The following LAMA5 variants were observed in gnomAD, a reference collection of about 807,000 sequenced individuals.
LAMA5 encodes laminin subunit alpha-5.
A neutral mutation model predicts 433.4 loss-of-function variants in LAMA5; 260 were observed. That is an observed-to-expected ratio of 0.60 (90% CI 0.54 to 0.66). The LOEUF (loss-of-function observed/expected upper bound fraction) is 0.66. LAMA5 is among the 30% of genes least tolerant of loss of function. LAMA5 has a pLI of 0.00. For synonymous variants in LAMA5, 2,620 were observed against 2,226.6 expected (o/e 1.18, Z -4.97); for missense variants, 5,378 against 5,258.5 (o/e 1.02, Z -0.70).
chr20:62,345,401 G>A (rs373354937), intron 11 of LAMA5: 5 of 244,102 alleles, frequency 2.0e-5, no homozygotes, highest in Admixed American at 1.6e-4. Flanking sequence ...ATGTATACAT[G>A]TGCCATGCCC....
rs1328238364 is a variant in LAMA5, at chr20:62,359,605, C to T, written c.450+2795G>A. 6.6e-6 allele frequency among the ~76,000 whole-genome samples: 1 copy of T among 152,096 alleles called. No homozygotes were observed. Among genetic ancestry groups the T allele is most frequent in the Admixed American group, 6.5e-5 (1 of 15,272 alleles). ...ATACGCAAGAACCCCCTAGAAGGAC[C>T]CCCTGGGGAAGGTCACGTCTGGAAC... On this transcript the variant is annotated intron_variant, in intron 2 of 79. Coordinates refer to ENST00000252999, the MANE Select transcript of LAMA5 (RefSeq NM_005560.6). This position sits in a 1 kb window ranked among gnomAD's most constrained non-coding sequence, Gnocchi z 4.3.
chr20:62,320,456 C>T lies in LAMA5; in HGVS notation c.6759+103G>A, dbSNP rs1446371522. On this transcript the variant is annotated intron_variant, in intron 50 of 79. Transcript: ENST00000252999. ...CGAGCTCCTGTCCCCTGCACTGACA[C>T]ATGTACGAGGCATGAAGTAACATCT... is the stretch of plus-strand genomic sequence containing the variant. The T allele has an allele frequency of 9.5e-6, 8 of 844,632 alleles. No homozygotes were observed. In the South Asian group the frequency reaches 1.1e-4, roughly 11 times the overall value. 52.3% of individuals were successfully genotyped at this position (844,632 alleles called of 1,614,324 possible). A position where few individuals can be genotyped will look rare whatever the true frequency, so the allele number is the denominator to read the frequency against.
At position 62,314,689 on chromosome 20, in the gene LAMA5, C is replaced by A. The variant is rs976523974; in HGVS notation, c.8233G>T (p.Val2745Leu). 1 of 1,612,642 alleles carries A rather than the reference C, an allele frequency of 6.2e-7. No individual in the cohort carries two copies. The highest frequency in any genetic ancestry group is 8.5e-7 in the Non-Finnish European group (1 of 1,179,866). Residue 2745 changes from valine (V) to leucine (L), a missense_variant, in exon 61 of 80, where the codon GTG becomes TTG. Coordinates refer to ENST00000252999, the MANE Select transcript of LAMA5 (RefSeq NM_005560.6). ...AGATCCCGTGGGGTGCGCAGCTGCA[C>A]CCCTGAGCGCCCGTTGAACTTCATG... ...VPMKFNGRSG[V>L]QLRTPRDLAD...
chr20:62,319,684 C>T lies in LAMA5; in HGVS notation c.6871G>A (p.Glu2291Lys), dbSNP rs771616649. ...TGAGCCTGGCTGGGCTGGCCCCTACCGCTCAGGGTGCGGTCCACAGCCCGG... is the reference window on the plus strand; with the variant it reads ...TGAGCCTGGCTGGGCTGGCCCCTACTGCTCAGGGTGCGGTCCACAGCCCGG... ...AIRAVDRTLS[E>K]LMSQTGHLGL... is the part of the protein sequence containing the mutation. Residue 2291 changes from glutamate (E) to lysine (K), a missense_variant and splice_region_variant, in exon 51 of 80, where the codon GAG becomes AAG. Transcript: ENST00000252999. 36 of 1,537,646 alleles carry T rather than the reference C, an allele frequency of 2.3e-5. No individual in the cohort carries two copies. The highest frequency in any genetic ancestry group is 2.3e-4 in the South Asian group (19 of 83,882).
In LAMA5 at chr20:62,359,748, G is replaced by T. The variant is rs934149751; in HGVS notation, c.450+2652C>A. ...CAGCGGGACCCAGGCCAGGAGCCCAGCTGGCACTCCCGGGGGCCCAGGCTC... is the reference window on the plus strand; with the variant it reads ...CAGCGGGACCCAGGCCAGGAGCCCATCTGGCACTCCCGGGGGCCCAGGCTC... On this transcript the variant is annotated intron_variant, in intron 2 of 79. Coordinates refer to ENST00000252999, the MANE Select transcript of LAMA5 (RefSeq NM_005560.6). This position sits in a 1 kb window ranked among gnomAD's most constrained non-coding sequence, Gnocchi z 4.3. 2.0e-5 allele frequency among the ~76,000 whole-genome samples: 3 copies of T among 152,002 alleles called. No homozygotes were observed. Among genetic ancestry groups the T allele is most frequent in the Non-Finnish European group, 4.4e-5 (3 of 67,956 alleles).
chr20:62,321,090 G>A (rs148641295), intron 48 of LAMA5, among the ~76,000 whole-genome samples, 200 bp from the exon 49 acceptor site: 79 of 150,332 alleles, frequency 5.3e-4, no homozygotes, highest in Non-Finnish European at 8.9e-4. Flanking sequence ...GGAGTGAAGG[G>A]CATGGGGTCA....
At chr20:62,314,466 G>C in intron 61 of LAMA5, 26 bp from the exon 62 acceptor site, 1 of 1,612,660 alleles carries the variant, frequency 6.2e-7, no homozygotes, top group Non-Finnish European at 8.5e-7. Context: ...ACACACAGTC[G>C]GGATGGGGAC....
At position 62,345,861 on chromosome 20, in the gene LAMA5, G is replaced by T; in HGVS notation, c.1434C>A (p.Ser478=). Residue 478 remains serine (S), a synonymous_variant, in exon 11 of 80, where the codon TCC becomes TCA. Coordinates refer to ENST00000252999, the MANE Select transcript of LAMA5 (RefSeq NM_005560.6). ...GCAGCACCTGCTCCCTGGTGTCATT[G>T]GAGGACGAGGGCGTCGCTGAGGGGA... is the stretch of plus-strand genomic sequence containing the variant. ...FPSCYPTPSS[S]NDTREQVLPA... 6.4e-7 allele frequency: 1 copy of T among 1,553,004 alleles called. No homozygotes were observed. Among genetic ancestry groups the T allele is most frequent in the Non-Finnish European group, 8.7e-7 (1 of 1,148,096 alleles).
Position 62,310,698 on chromosome 20 carries a change from G to A in LAMA5, c.10413C>T (p.Gly3471=), listed in dbSNP as rs1419228688. The A allele has an allele frequency of 3.1e-6, 5 of 1,601,662 alleles. No homozygotes were observed. In the African/African-American group the frequency reaches 6.7e-5, roughly 21 times the overall value. The change falls in exon 75 of 80, where the codon GGC becomes GGT. Residue 3471 remains glycine, a synonymous_variant. Coordinates refer to ENST00000252999, the MANE Select transcript of LAMA5 (RefSeq NM_005560.6). ...HPQPHTLFVG[G]LPASSHSSKL... ...TGGAGCTGTGGCTGCTGGCCGGGAG[G>A]CCGCCCACAAAGAGGGTGTGGGGCT...
At chr20:62,317,146 T>G in intron 55 of LAMA5, 123 bp from the exon 56 acceptor site, 1 of 1,265,356 alleles carries the variant, frequency 7.9e-7, no homozygotes, top group South Asian at 1.6e-5. Flanking sequence ...CCTCCAGGTC[T>G]TTGCCCGTGC....
At chr20:62,319,960 C>T (rs1423255611) in intron 50 of LAMA5, among the ~76,000 whole-genome samples, 165 bp from the exon 51 acceptor site, 1 of 152,112 alleles carries the variant, frequency 6.6e-6, no homozygotes, top group East Asian at 1.9e-4. Flanking sequence ...TGTTAGTTAC[C>T]TAAAATTATT....
chr20:62,365,950 A>T (rs1162560048), intron 1 of LAMA5, among the ~76,000 whole-genome samples: 2 of 152,114 alleles, frequency 1.3e-5, no homozygotes, highest in East Asian at 3.9e-4. Flanking sequence ...ATTCATCCCC[A>T]TAACGTCTTG....
intron 40 of LAMA5, 107 bp from the exon 41 acceptor site, chr20:62,325,653 A>G (rs901953712): frequency 4.3e-6 from 3 of 690,678 alleles, no homozygotes; most frequent in East Asian, 2.9e-5. Context: ...CACAAAGACC[A>G]TGGGGCAGGA....
At chr20:62,332,773 C>CT (rs1443616822) in intron 26 of LAMA5, 56 bp from the exon 27 acceptor site, 1 of 1,581,096 alleles carries the variant, frequency 6.3e-7, no homozygotes, top group African/African-American at 1.4e-5. Context: ...TCCCACCTCC[C>CT]TCCCCTCCCA....
chr20:62,312,231 G>A lies in LAMA5; in HGVS notation c.9446C>T (p.Ser3149Phe), dbSNP rs146049305. The A allele has an allele frequency of 1.9e-6, 3 of 1,610,948 alleles. No homozygotes were observed. The highest frequency in any genetic ancestry group is 2.5e-6 in the Non-Finnish European group (3 of 1,179,368). The change falls in exon 69 of 80, where the codon TCC (serine) becomes TTC (phenylalanine). Residue 3149 changes from serine to phenylalanine, a missense_variant. Transcript: ENST00000252999. The part of the protein sequence containing the change: ...NVAPLTGNVY[S>F]GFGFHSAQDS... ...CTGGGCGCTGTGGAAGCCGAAGCCG[G>A]AGTAGACGTTGCCAGTGAGCGGTGC...
intron 20 of LAMA5, among the ~76,000 whole-genome samples, 166 bp from the exon 21 acceptor site, chr20:62,334,787 G>GCGAGGGCGAGGGCGAGGGC (rs1981258485): frequency 6.7e-6 from 1 of 150,322 alleles, no homozygotes; most frequent in Non-Finnish European, 1.5e-5. Flanking sequence ...GAGGGCGCTG[G>GCGAGGGCGAGGGCGAGGGC]GATCTGTTAG....
In LAMA5 at chr20:62,317,030, C is replaced by T. The variant is rs746133684; in HGVS notation, c.7512-7G>A. Reference sequence around the variant, plus strand: ...GTTGACGTCCAGGATGATGCTGCAGCGGAAGGGAGGGTCGAAGGAGTGGGT... The same window carrying T: ...GTTGACGTCCAGGATGATGCTGCAGTGGAAGGGAGGGTCGAAGGAGTGGGT... On this transcript the variant is annotated splice_polypyrimidine_tract_variant and splice_region_variant and intron_variant, in intron 55 of 79. Coordinates refer to ENST00000252999, the MANE Select transcript of LAMA5 (RefSeq NM_005560.6). 2.1e-5 allele frequency: 32 copies of T among 1,519,136 alleles called. No homozygotes were observed. Among genetic ancestry groups the T allele is most frequent in the Admixed American group, 4.3e-5 (2 of 46,890 alleles). 94.1% of individuals were successfully genotyped at this position (1,519,136 alleles called of 1,614,324 possible).
chr20:62,355,717 C>A (rs1216792091), intron 2 of LAMA5, among the ~76,000 whole-genome samples: 1 of 152,066 alleles, frequency 6.6e-6, no homozygotes, highest in Non-Finnish European at 1.5e-5. Context: ...AGGGACAGAC[C>A]CTATACCCAG....
chr20:62,327,041 G>C, intron 38 of LAMA5, 75 bp from the exon 39 acceptor site: 1 of 1,194,138 alleles, frequency 8.4e-7, no homozygotes, highest in Non-Finnish European at 1.2e-6. Context: ...AGTGGTCTGG[G>C]CACCCCCAGC....
Sources: gnomAD v4.1 joint callset for allele counts (sites outside exome capture counted in the v4.1 genomes callset) on GRCh38, gnomAD v4.1.1 for gene constraint, Gnocchi (gnomAD v3.1) non-coding constraint, MANE v1.5 for transcripts, NCBI Gene and HGNC (gene_info 2026-07-23, HGNC 2026-07-21) for gene names.